SHOC2: variants seen among roughly 807,000 people sequenced by gnomAD.
SHOC2 encodes the protein SHOC2 leucine rich repeat scaffold protein, also known as leucine-rich repeat protein SHOC-2.
SHOC2 carries 4 observed loss-of-function variants against 50.2 expected under a neutral mutation model. The observed-to-expected ratio is 0.08, with a 90% confidence interval of 0.04 to 0.18. SHOC2 has a LOEUF of 0.18. Ranked by LOEUF, SHOC2 falls within the 10% of genes least tolerant of loss-of-function variation. SHOC2 has a pLI of 1.00. For missense variants in SHOC2, 388 were observed against 669.6 expected, an observed-to-expected ratio of 0.58 and a Z score of 4.64; for synonymous variants, 218 against 244.5, an observed-to-expected ratio of 0.89 and a Z score of 1.01.
At chr10:110,946,927 CA>C (rs1344034671) in intron 1 of SHOC2, among the ~76,000 whole-genome samples, 1 of 152,078 alleles carries the variant, frequency 6.6e-6, no homozygotes, top group Non-Finnish European at 1.5e-5. Flanking sequence ...TAGTAGTTTT[CA>C]GCATTTGTTT....
intron 2 of SHOC2, among the ~76,000 whole-genome samples, chr10:110,971,383 G>A (rs1250664859): frequency 1.3e-5 from 2 of 151,842 alleles, no homozygotes; most frequent in Non-Finnish European, 2.9e-5. Context: ...ATTTATTTCT[G>A]GGTTCTCTAC....
intron 1 of SHOC2, among the ~76,000 whole-genome samples, chr10:110,942,087 G>C (rs1444580172): frequency 1.3e-5 from 2 of 151,914 alleles, no homozygotes; most frequent in African/African-American, 4.8e-5. Flanking sequence ...TACTTTGAAG[G>C]GTTCTTTACC....
intron 2 of SHOC2, 46 bp from the exon 3 acceptor site, chr10:110,985,582 G>T (rs1163777609): frequency 7.1e-7 from 1 of 1,416,714 alleles, no homozygotes; most frequent in Admixed American, 1.7e-5. Flanking sequence ...TATCTAGTAT[G>T]TTCTTTAATA....
chr10:110,965,910 C>T (rs1482528264), intron 2 of SHOC2, among the ~76,000 whole-genome samples: 3 of 151,756 alleles, frequency 2.0e-5, no homozygotes, highest in Non-Finnish European at 4.4e-5. Flanking sequence ...CTCTGTGGGC[C>T]CTTTTTATAA....
At chr10:111,008,195 C>A (rs1848504804) in intron 6 of SHOC2, among the ~76,000 whole-genome samples, 1 of 147,682 alleles carries the variant, frequency 6.8e-6, no homozygotes, top group African/African-American at 2.5e-5. Flanking sequence ...TATGTTTTTC[C>A]ATAATTAAAG....
intron 1 of SHOC2, among the ~76,000 whole-genome samples, chr10:110,934,477 AT>A (rs1401424101): frequency 6.6e-6 from 1 of 152,220 alleles, no homozygotes; most frequent in Admixed American, 6.5e-5. Flanking sequence ...ATTTATATAC[AT>A]AAAGTTATAC....
rs1848576416 is a variant in SHOC2 at position 111,012,059 on chromosome 10, G to A, written c.*241G>A. 3 of 507,642 alleles carry A rather than the reference G, an allele frequency of 5.9e-6. No individual in the cohort carries two copies. The highest frequency in any genetic ancestry group is 1.1e-5 in the Non-Finnish European group (3 of 285,380). 31.4% of individuals were successfully genotyped at this position (507,642 alleles called of 1,614,324 possible). ...GTTTTTCTGTTGTGTAATCTGATAT[G>A]CCAGTTTGCTTAAAACATTTGCCAA... On this transcript the variant is annotated 3_prime_UTR_variant, in exon 9 of 9. Transcript: ENST00000369452.
At chr10:110,927,748 A>G (rs1307767141) in intron 1 of SHOC2, among the ~76,000 whole-genome samples, 1 of 152,222 alleles carries the variant, frequency 6.6e-6, no homozygotes, top group East Asian at 1.9e-4. Flanking sequence ...AGATTGTGTC[A>G]GGCTTTGTGT....
chr10:110,989,107 G>C (rs1337213541), intron 3 of SHOC2: 3 of 466,844 alleles, frequency 6.4e-6, no homozygotes, highest in African/African-American at 2.1e-5. Context: ...ATTCCTGATA[G>C]GACTTGAATT....
intron 1 of SHOC2, among the ~76,000 whole-genome samples, chr10:110,924,490 A>G (rs1846716857): frequency 6.6e-6 from 1 of 152,166 alleles, no homozygotes; most frequent in Admixed American, 6.5e-5. Context: ...GAGAAGAATA[A>G]CAGTTTGGAT....
chr10:111,004,276 A>G (rs1402681926), intron 4 of SHOC2, among the ~76,000 whole-genome samples: 5 of 152,216 alleles, frequency 3.3e-5, no homozygotes, highest in East Asian at 1.9e-4. Flanking sequence ...TTAGTCACCC[A>G]TGAGGCACCT....
chr10:110,934,362 T>C (rs1212963866), intron 1 of SHOC2, among the ~76,000 whole-genome samples: 1 of 152,194 alleles, frequency 6.6e-6, no homozygotes, highest in Non-Finnish European at 1.5e-5. Context: ...AATTATGATA[T>C]AGCCATATCA....
chr10:110,933,007 G>A (rs1160385027), intron 1 of SHOC2, among the ~76,000 whole-genome samples: 2 of 152,144 alleles, frequency 1.3e-5, no homozygotes, highest in Non-Finnish European at 2.9e-5. Flanking sequence ...AATGCCACTT[G>A]TAAAAACAGT....
intron 2 of SHOC2, among the ~76,000 whole-genome samples, chr10:110,976,130 C>G (rs1259176048): frequency 1.3e-5 from 2 of 151,948 alleles, no homozygotes; most frequent in African/African-American, 4.8e-5. Context: ...AGGCTGGTCT[C>G]AAATTCTGTC....
intron 3 of SHOC2, among the ~76,000 whole-genome samples, chr10:110,993,963 C>G (rs6585026): frequency 6.6e-6 from 1 of 152,068 alleles, no homozygotes; most frequent in Non-Finnish European, 1.5e-5. Flanking sequence ...ATGGAGACTT[C>G]TCTCTGTTAA....
chr10:110,980,575 A>G (rs1173969915), intron 2 of SHOC2, among the ~76,000 whole-genome samples: 2 of 152,172 alleles, frequency 1.3e-5, no homozygotes, highest in Admixed American at 1.3e-4. Context: ...GTCTTTCTCA[A>G]GTCCATCCAT....
chr10:110,930,736 T>TTTTTTTTTC (rs1022192011), intron 1 of SHOC2, among the ~76,000 whole-genome samples: 1 of 21,172 alleles, frequency 4.7e-5, no homozygotes, highest in African/African-American at 1.4e-4. Flanking sequence ...CGAGTAAATC[T>TTTTTTTTTC]TTTTTTTTTT....
At chr10:110,988,920 A>G (rs1848130657) in intron 3 of SHOC2, 1 of 485,372 alleles carries the variant, frequency 2.1e-6, no homozygotes, top group South Asian at 1.5e-5. Flanking sequence ...TCTGTGATCT[A>G]TGGCTTTATT....
intron 5 of SHOC2, among the ~76,000 whole-genome samples, chr10:111,005,672 A>G (rs1338309954): frequency 6.6e-6 from 1 of 152,210 alleles, no homozygotes; most frequent in Non-Finnish European, 1.5e-5. Flanking sequence ...TACCCACTCT[A>G]CAGTGATCGA....
Sources: allele counts gnomAD v4.1 joint callset (sites outside exome capture counted in the v4.1 genomes callset), GRCh38; gene constraint gnomAD v4.1.1; transcripts MANE v1.5; gene names NCBI Gene and HGNC (gene_info 2026-07-23, HGNC 2026-07-21).